The following NUP35 variants were observed in gnomAD, a reference collection of about 807,000 sequenced individuals.
NUP35 encodes the protein nucleoporin NUP35.
NUP35 carries 25 observed loss-of-function variants against 41.5 expected under a neutral mutation model. That is an observed-to-expected ratio of 0.60 (90% CI 0.44 to 0.84). The LOEUF (loss-of-function observed/expected upper bound fraction) is 0.84, where lower values mean the gene tolerates loss of function less well. Ranked by LOEUF, NUP35 falls within the 40% of genes least tolerant of loss-of-function variation. The pLI is 0.00. For missense variants in NUP35, 396 were observed against 396.6 expected (o/e 1.00, Z 0.01); for synonymous variants, 149 against 130.7 (o/e 1.14, Z -0.96).
upstream of NUP35, chr2:183,124,338 G>A (rs1700113342): frequency 6.3e-7 from 1 of 1,584,584 alleles, no homozygotes; most frequent in Non-Finnish European, 8.6e-7. Flanking sequence ...CTTAAGCATA[G>A]CGCAGGTCCG....
chr2:183,158,400 T>G lies in NUP35; in HGVS notation c.727T>G (p.Cys243Gly). The change falls in exon 7 of 9, where the codon TGT (cysteine) becomes GGT (glycine). Residue 243 changes from cysteine (C) to glycine (G), a missense_variant. Cys to Gly is a radical substitution (Grantham distance 159, BLOSUM62 -3). Coordinates refer to ENST00000295119, the MANE Select transcript of NUP35 (RefSeq NM_138285.5). ...ATCCATCATGATTGGTGTAAAACCA[T>G]GTATTGACAAAGTAAGTTATTGGTG... ...GESIMIGVKP[C>G]IDKSVMESSD... The G allele has an allele frequency of 6.3e-7, 1 of 1,598,238 alleles. No individual in the cohort carries two copies. The highest frequency in any genetic ancestry group is 1.1e-5 in the South Asian group (1 of 88,186).
intron 6 of NUP35, 36 bp downstream of exon 6, chr2:183,157,549 T>A: frequency 7.4e-7 from 1 of 1,348,582 alleles, no homozygotes; most frequent in Non-Finnish European, 1.1e-6. Context: ...GAGTTTTGAC[T>A]AAAGAGGGAT....
chr2:183,121,412 A>T (rs546195486), upstream of NUP35, among the ~76,000 whole-genome samples: 105 of 152,294 alleles, frequency 6.9e-4, 1 homozygote, highest in Middle Eastern at 3.4e-3. Context: ...AGGCCTAGGG[A>T]GGGTTTCAAT....
chr2:183,122,180 G>T (rs973474610), upstream of NUP35, among the ~76,000 whole-genome samples: 1 of 151,734 alleles, frequency 6.6e-6, no homozygotes, highest in African/African-American at 2.4e-5. Flanking sequence ...GGGTTCAAGC[G>T]ATTCTCCTGC....
chr2:183,122,151 A>T (rs191304959), upstream of NUP35, among the ~76,000 whole-genome samples: 2 of 150,830 alleles, frequency 1.3e-5, no homozygotes, highest in Admixed American at 6.6e-5. Flanking sequence ...GTCTTGGCTC[A>T]CTGCAACCTC....
chr2:183,143,071 G>T (rs1229179899), intron 4 of NUP35, among the ~76,000 whole-genome samples: 1 of 150,684 alleles, frequency 6.6e-6, no homozygotes, highest in African/African-American at 2.4e-5. Flanking sequence ...CAGGAGAATG[G>T]CCTGAACCCG....
intron 4 of NUP35, among the ~76,000 whole-genome samples, chr2:183,136,794 T>C (rs2105563996): frequency 6.6e-6 from 1 of 152,260 alleles, no homozygotes; most frequent in East Asian, 1.9e-4. Flanking sequence ...ACAGAAATCT[T>C]GGAGGCCTCT....
At chr2:183,155,198 TA>T (rs569009259) in intron 5 of NUP35, among the ~76,000 whole-genome samples, 1 of 152,162 alleles carries the variant, frequency 6.6e-6, no homozygotes, top group African/African-American at 2.4e-5. Context: ...TTTTTGGGAT[TA>T]AAAAACATAA....
chr2:183,148,269 T>C (rs913426570), intron 4 of NUP35, among the ~76,000 whole-genome samples: 4 of 152,246 alleles, frequency 2.6e-5, no homozygotes, highest in Non-Finnish European at 5.9e-5. Flanking sequence ...GATAAACTTA[T>C]GAGTCCAGCT....
At chr2:183,134,174 G>A (rs1684798628) in intron 4 of NUP35, among the ~76,000 whole-genome samples, 1 of 152,120 alleles carries the variant, frequency 6.6e-6, no homozygotes, top group African/African-American at 2.4e-5. Flanking sequence ...GCTTAGCACA[G>A]TTCTTCATAT....
intron 5 of NUP35, 140 bp from the exon 6 acceptor site, chr2:183,157,304 G>A (rs1685699146): frequency 1.2e-5 from 8 of 687,614 alleles, no homozygotes; most frequent in Admixed American, 2.6e-5. Context: ...CCCATATCGG[G>A]GAAAACAGGA....
chr2:183,131,995 C>T (rs1004691359), intron 3 of NUP35, among the ~76,000 whole-genome samples: 20 of 151,808 alleles, frequency 1.3e-4, no homozygotes, highest in Admixed American at 9.2e-4. Context: ...CCGAGGTGGG[C>T]GGATTGCTTG....
intron 5 of NUP35, among the ~76,000 whole-genome samples, chr2:183,157,160 A>G (rs1685692896): frequency 1.3e-5 from 2 of 152,170 alleles, no homozygotes; most frequent in African/African-American, 4.8e-5. Flanking sequence ...TTTTTTTTCT[A>G]AGACCTGGAT....
intron 1 of NUP35, among the ~76,000 whole-genome samples, chr2:183,128,060 AGACTCG>A (rs1684559545): frequency 6.7e-6 from 1 of 149,030 alleles, no homozygotes; most frequent in Non-Finnish European, 1.5e-5. Context: ...TGACAGAGTG[AGACTCG>A]GACTCAGAAA....
chr2:183,161,179 T>C lies in NUP35; in HGVS notation c.*48T>C, dbSNP rs547826649. 5 of 1,372,186 alleles carry C rather than the reference T, an allele frequency of 3.6e-6. No individual in the cohort carries two copies. Among genetic ancestry groups the C allele is most frequent in the African/African-American group, 1.4e-5 (1 of 70,198 alleles). The allele number at this position is 1,372,186 out of a possible 1,614,324, so 85.0% of individuals were successfully genotyped here. On this transcript the variant is annotated 3_prime_UTR_variant, in exon 9 of 9. Transcript: ENST00000295119. ...CTACACTAAAACAGAGTTAGCAGAG[T>C]GCTGCTGGTTCCTTCGGTTAGTTAT...
In NUP35 at chr2:183,133,596, G is replaced by T. The variant is rs377150291; in HGVS notation, c.370G>T (p.Val124Phe). ...PNISVMQSPLVGVTSTPGTGQ... is the reference protein window; with the variant it reads ...PNISVMQSPLFGVTSTPGTGQ... Reference sequence around the variant, plus strand: ...CATTTCAGTAATGCAGAGTCCTCTTGTTGGAGTTACATCTACTCCTGGAAC... The same window carrying T: ...CATTTCAGTAATGCAGAGTCCTCTTTTTGGAGTTACATCTACTCCTGGAAC... The change falls in exon 4 of 9, where the codon GTT becomes TTT. Residue 124 changes from valine (V) to phenylalanine (F), a missense_variant. Transcript: ENST00000295119. 8 of 1,590,112 alleles carry T rather than the reference G, an allele frequency of 5.0e-6. No individual in the cohort carries two copies. Among genetic ancestry groups the T allele is most frequent in the Admixed American group, 1.8e-5 (1 of 56,778 alleles).
At chr2:183,137,934 G>A (rs1684938598) in intron 4 of NUP35, among the ~76,000 whole-genome samples, 1 of 151,902 alleles carries the variant, frequency 6.6e-6, no homozygotes, top group Non-Finnish European at 1.5e-5. Flanking sequence ...ATATCTTTTT[G>A]TTAACTTATT....
intron 4 of NUP35, among the ~76,000 whole-genome samples, chr2:183,149,201 A>G (rs1048572873): frequency 6.6e-6 from 1 of 152,198 alleles, no homozygotes; most frequent in African/African-American, 2.4e-5. Context: ...TGGTTCTCAA[A>G]TGTCTTAGTT....
At chr2:183,125,202 C>T (rs889528919) in intron 1 of NUP35, among the ~76,000 whole-genome samples, 10 of 151,748 alleles carry the variant, frequency 6.6e-5, no homozygotes, top group Non-Finnish European at 1.2e-4. Flanking sequence ...GATTCATTCC[C>T]ATTATTCATT....
Sources: allele counts gnomAD v4.1 joint callset (sites outside exome capture counted in the v4.1 genomes callset), GRCh38; gene constraint gnomAD v4.1.1; transcripts MANE v1.5; gene names NCBI Gene and HGNC (gene_info 2026-07-23, HGNC 2026-07-21).